The following ERAP1 variants were observed in gnomAD, a reference collection of about 807,000 sequenced individuals.
ERAP1 encodes the protein adipocyte-derived leucine aminopeptidase.
A neutral mutation model predicts 103.7 loss-of-function variants in ERAP1; 86 were observed. That is an observed-to-expected ratio of 0.83 (90% confidence interval 0.70 to 0.99). The LOEUF (loss-of-function observed/expected upper bound fraction) is 0.99, where lower values mean the gene tolerates loss of function less well. ERAP1 is among the 50% of genes least tolerant of loss of function. ERAP1 has a pLI of 0.00. For missense variants in ERAP1, 1,009 were observed against 1,128.4 expected, an observed-to-expected ratio of 0.89 and a Z score of 1.52; for synonymous variants, 398 against 402.4, an observed-to-expected ratio of 0.99 and a Z score of 0.13.
chr5:96,797,714 A>G (rs945899642), intron 3 of ERAP1, among the ~76,000 whole-genome samples: 4 of 152,256 alleles, frequency 2.6e-5, no homozygotes, highest in African/African-American at 9.6e-5. Context: ...ATGTCTAATT[A>G]TAATTTAGAC....
chr5:96,799,530 C>T (rs1460159714), intron 3 of ERAP1, among the ~76,000 whole-genome samples: 1 of 152,122 alleles, frequency 6.6e-6, no homozygotes, highest in Non-Finnish European at 1.5e-5. Flanking sequence ...CTTTGTGGCG[C>T]TTCCAAAGCT....
At chr5:96,912,796 GAAGT>G in the ERAP1 span, 6 of 1,591,756 alleles carry the variant, frequency 3.8e-6, no homozygotes, top group Admixed American at 1.1e-4. Context: ...AAAAGTTACT[GAAGT>G]AAGTTCAATA....
the ERAP1 span, among the ~76,000 whole-genome samples, chr5:96,836,176 GT>G: frequency 6.8e-3 from 720 of 106,650 alleles, 4 homozygotes; most frequent in African/African-American, 0.024. Flanking sequence ...CACCTCTTTG[GT>G]TTTTTTTTTT....
At chr5:96,864,648 C>A in the ERAP1 span, among the ~76,000 whole-genome samples, 1 of 152,036 alleles carries the variant, frequency 6.6e-6, no homozygotes, top group Non-Finnish European at 1.5e-5. Flanking sequence ...GTACAAGAAA[C>A]CTTTATAATC....
chr5:96,859,524 C>G, the ERAP1 span, among the ~76,000 whole-genome samples: 1 of 151,880 alleles, frequency 6.6e-6, no homozygotes, highest in Non-Finnish European at 1.5e-5. Context: ...AGAATTGGGG[C>G]AATCTGAGCC....
intron 2 of ERAP1, 126 bp downstream of exon 2, chr5:96,803,277 G>T: frequency 1.1e-6 from 1 of 930,266 alleles, no homozygotes; most frequent in Non-Finnish European, 1.6e-6. Flanking sequence ...CTATAAAGAA[G>T]ATGCAAAAGC....
At chr5:96,883,888 A>G in the ERAP1 span, 3 of 1,613,616 alleles carry the variant, frequency 1.9e-6, no homozygotes, top group African/African-American at 4.0e-5. Flanking sequence ...CAATCAAGAT[A>G]CGAAGAGAGA....
the ERAP1 span, among the ~76,000 whole-genome samples, chr5:96,846,806 T>C: frequency 6.6e-6 from 1 of 150,714 alleles, no homozygotes; most frequent in Non-Finnish European, 1.5e-5. Flanking sequence ...AAAAAATGAA[T>C]GATTTCTCTG....
the ERAP1 span, among the ~76,000 whole-genome samples, chr5:96,874,117 GGAAAGAAAGAAAGAGAGAGAGAAAGAAA>G: frequency 9.4e-6 from 1 of 106,756 alleles, no homozygotes. Flanking sequence ...AAAGAAGGAA[GGAAAGAAAGAAAGAGAGAGAGAAAGAAA>G]GAAAGAAAGA....
intron 18 of ERAP1, among the ~76,000 whole-genome samples, chr5:96,779,881 G>A (rs1431278187): frequency 2.0e-5 from 3 of 152,288 alleles, no homozygotes; most frequent in East Asian, 1.9e-4. Context: ...GGACAATTGC[G>A]AGAATTATCC....
chr5:96,801,301 T>C (rs1179608791), intron 2 of ERAP1, among the ~76,000 whole-genome samples: 5 of 151,306 alleles, frequency 3.3e-5, no homozygotes, highest in Non-Finnish European at 7.4e-5. Context: ...CTACCAAAAA[T>C]ACAAAAATTA....
the ERAP1 span, among the ~76,000 whole-genome samples, chr5:96,930,844 T>C: frequency 5.3e-5 from 8 of 152,168 alleles, no homozygotes; most frequent in African/African-American, 1.4e-4. Context: ...CAAGCCTTCA[T>C]TGGAGCTTAT....
At chr5:96,763,002 A>G (rs1768534747) in exon 20 of ERAP1, 1 of 642,014 alleles carries the variant, frequency 1.6e-6, no homozygotes, top group African/African-American at 1.8e-5. Flanking sequence ...ACCAAATTAT[A>G]CATTACCAAG....
intron 19 of ERAP1, chr5:96,766,274 A>G: frequency 1.7e-6 from 1 of 587,354 alleles, no homozygotes; most frequent in South Asian, 2.3e-5. Flanking sequence ...ACTGCTTCTA[A>G]TGTGTCACCA....
chr5:96,935,574 C>G, the ERAP1 span: 1 of 153,040 alleles, frequency 6.5e-6, no homozygotes. Flanking sequence ...ACCTGCTCAG[C>G]GAGGCCTCGT....
At chr5:96,767,816 A>G in intron 19 of ERAP1, 1 of 752,252 alleles carries the variant, frequency 1.3e-6, no homozygotes, top group East Asian at 2.5e-5. Context: ...TTATAGAAAC[A>G]TCTTTTATTT....
chr5:96,769,713 C>T (rs1340934775), downstream of ERAP1: 1 of 151,738 alleles, frequency 6.6e-6, no homozygotes, highest in Admixed American at 6.6e-5. Flanking sequence ...TATTTTGTAT[C>T]CTTTGACCTA....
chr5:96,827,282 T>G, the ERAP1 span, among the ~76,000 whole-genome samples: 7 of 152,232 alleles, frequency 4.6e-5, no homozygotes, highest in African/African-American at 7.2e-5. Flanking sequence ...GTGTTCTTTG[T>G]TTCCCTTTTA....
the ERAP1 span, among the ~76,000 whole-genome samples, chr5:96,816,844 A>G: frequency 6.6e-6 from 1 of 151,950 alleles, no homozygotes; most frequent in Non-Finnish European, 1.5e-5. Context: ...AATAAATTTT[A>G]CTCTGCCCTA....
Sources: gnomAD v4.1 joint callset for allele counts (sites outside exome capture counted in the v4.1 genomes callset) on GRCh38, gnomAD v4.1.1 for gene constraint, MANE v1.5 for transcripts, NCBI Gene and HGNC (gene_info 2026-07-23, HGNC 2026-07-21) for gene names.